THSD7B: variants seen among roughly 807,000 people sequenced by gnomAD.
THSD7B encodes the protein thrombospondin type-1 domain-containing protein 7B.
Under a neutral mutation model 213.6 loss-of-function variants are expected in THSD7B, and 138 were observed. The ratio of observed to expected loss-of-function variants is 0.65; its 90% confidence interval spans 0.56 to 0.74. The LOEUF is 0.74. THSD7B is among the 30% of genes least tolerant of loss of function. The pLI is 0.00. For synonymous variants in THSD7B, 742 were observed against 687.0 expected (o/e 1.08, Z -1.25); for missense variants, 1,931 against 1,991.5 (o/e 0.97, Z 0.58).
At chr2:137,184,309 A>G (rs560814036) in intron 7 of THSD7B, among the ~76,000 whole-genome samples, 3 of 152,278 alleles carry the variant, frequency 2.0e-5, no homozygotes, top group Admixed American at 2.0e-4. Context: ...AAATCTCTTA[A>G]TGGCCCCTCT....
intron 7 of THSD7B, among the ~76,000 whole-genome samples, chr2:137,191,345 T>C (rs1229559297): frequency 6.6e-6 from 1 of 152,162 alleles, no homozygotes; most frequent in African/African-American, 2.4e-5. Flanking sequence ...TTTTCAAAAT[T>C]GTATGTAAAT....
chr2:137,545,466 C>T (rs1292106039), intron 15 of THSD7B, among the ~76,000 whole-genome samples: 1 of 151,706 alleles, frequency 6.6e-6, no homozygotes, highest in Non-Finnish European at 1.5e-5. Context: ...GATCACTTCA[C>T]CCATCATTGA....
intron 2 of THSD7B, among the ~76,000 whole-genome samples, chr2:136,989,075 A>G (rs897605591): frequency 1.3e-5 from 2 of 152,196 alleles, no homozygotes; most frequent in Non-Finnish European, 2.9e-5. Context: ...TCAGGAGAAA[A>G]TCTCTAGGAG....
At chr2:137,240,539 T>C (rs1273462177) in intron 9 of THSD7B, among the ~76,000 whole-genome samples, 1 of 152,046 alleles carries the variant, frequency 6.6e-6, no homozygotes, top group African/African-American at 2.4e-5. Context: ...GACAGAGTCT[T>C]GCTTTATTGT....
At chr2:137,123,070 C>A (rs1688571331) in intron 5 of THSD7B, among the ~76,000 whole-genome samples, 1 of 152,150 alleles carries the variant, frequency 6.6e-6, no homozygotes, top group Non-Finnish European at 1.5e-5. Flanking sequence ...GCTTTGTGAA[C>A]CTTCTCACCC....
At chr2:137,216,070 C>A (rs10928598) in intron 7 of THSD7B, among the ~76,000 whole-genome samples, 90,799 of 151,876 alleles carry the variant, frequency 0.6, 27,533 homozygotes, top group South Asian at 0.71. Context: ...AATTAGAAAC[C>A]GTATTGCAGT....
intron 2 of THSD7B, among the ~76,000 whole-genome samples, chr2:136,886,098 G>A (rs982749970): frequency 1.3e-5 from 2 of 152,122 alleles, no homozygotes; most frequent in Non-Finnish European, 2.9e-5. Context: ...GACATGTGGG[G>A]AGGCCAGCAT....
At chr2:137,369,724 C>T (rs1397613031) in intron 12 of THSD7B, among the ~76,000 whole-genome samples, 1 of 152,138 alleles carries the variant, frequency 6.6e-6, no homozygotes, top group Non-Finnish European at 1.5e-5. Context: ...ATTTCATCCT[C>T]ATCATTTTGA....
At chr2:136,812,714 A>G (rs1682398907) in intron 1 of THSD7B, among the ~76,000 whole-genome samples, 1 of 152,202 alleles carries the variant, frequency 6.6e-6, no homozygotes, top group Non-Finnish European at 1.5e-5. Context: ...ACACACAAGT[A>G]GACAGCAGAG....
intron 5 of THSD7B, among the ~76,000 whole-genome samples, chr2:137,127,627 G>A (rs1295928576): frequency 6.6e-6 from 1 of 152,050 alleles, no homozygotes; most frequent in African/African-American, 2.4e-5. Flanking sequence ...ATTCTCATAG[G>A]TATATTAAAC....
intron 4 of THSD7B, among the ~76,000 whole-genome samples, chr2:137,100,211 G>A (rs1203717087): frequency 2.0e-5 from 3 of 152,058 alleles, no homozygotes; most frequent in East Asian, 1.9e-4. Context: ...AAATCTTGGC[G>A]TGGTTGTTCA....
intron 15 of THSD7B, among the ~76,000 whole-genome samples, chr2:137,535,066 T>C (rs999240363): frequency 6.6e-6 from 1 of 151,878 alleles, no homozygotes; most frequent in Non-Finnish European, 1.5e-5. Context: ...GATGGTCTTA[T>C]GGTACTACAA....
intron 1 of THSD7B, among the ~76,000 whole-genome samples, chr2:136,867,310 T>C (rs1225853570): frequency 1.3e-5 from 2 of 152,186 alleles, no homozygotes; most frequent in African/African-American, 2.4e-5. Flanking sequence ...TGATGGACAT[T>C]TGTGGGCTCA....
chr2:137,246,781 GT>G, intron 10 of THSD7B, among the ~76,000 whole-genome samples: 1 of 148,796 alleles, frequency 6.7e-6, no homozygotes, highest in Non-Finnish European at 1.5e-5. Context: ...TTTTTTTGCT[GT>G]TTTCTTCTAT....
chr2:137,250,535 TA>T (rs1445738173), intron 10 of THSD7B, among the ~76,000 whole-genome samples: 2 of 152,182 alleles, frequency 1.3e-5, no homozygotes, highest in South Asian at 2.1e-4. Context: ...GTTGCAAAAC[TA>T]ACATTAATAA....
chr2:136,990,379 C>T (rs1213466837), intron 2 of THSD7B, among the ~76,000 whole-genome samples: 1 of 152,080 alleles, frequency 6.6e-6, no homozygotes, highest in Non-Finnish European at 1.5e-5. Context: ...TTGTGTCAGC[C>T]CAAGGTGATC....
At chr2:137,149,048 A>C (rs2104972520) in intron 5 of THSD7B, among the ~76,000 whole-genome samples, 1 of 152,084 alleles carries the variant, frequency 6.6e-6, no homozygotes, top group Admixed American at 6.5e-5. Flanking sequence ...GATCCAGGGC[A>C]CTCCTGCTCT....
At chr2:137,119,543 T>C (rs746151455) in intron 5 of THSD7B, among the ~76,000 whole-genome samples, 2 of 152,070 alleles carry the variant, frequency 1.3e-5, no homozygotes, top group African/African-American at 2.4e-5. Context: ...GGAGAACACA[T>C]GAAAAGAAAT....
chr2:137,251,306 G>T (rs1682170580), intron 10 of THSD7B, among the ~76,000 whole-genome samples: 1 of 152,086 alleles, frequency 6.6e-6, no homozygotes, highest in Admixed American at 6.6e-5. Context: ...TGTTTTCCTG[G>T]CAAATGTGGT....
Sources: allele counts gnomAD v4.1 joint callset (sites outside exome capture counted in the v4.1 genomes callset), GRCh38; gene constraint gnomAD v4.1.1; transcripts MANE v1.5; gene names NCBI Gene and HGNC (gene_info 2026-07-23, HGNC 2026-07-21).